The following ZIM2 variants were observed in gnomAD, a reference collection of about 807,000 sequenced individuals.
The protein encoded by ZIM2 is zinc finger imprinted 2, also known as zinc finger protein 656.
A neutral mutation model predicts 38.6 loss-of-function variants in ZIM2; 14 were observed. That is an observed-to-expected ratio of 0.36 (90% confidence interval 0.24 to 0.57). The LOEUF (loss-of-function observed/expected upper bound fraction) is 0.57, where lower values mean the gene tolerates loss of function less well. Among genes scored for constraint, ZIM2 ranks in the 20% least tolerant of loss-of-function variants. The pLI is 0.81. For missense variants in ZIM2, 680 were observed against 695.1 expected (o/e 0.98, Z 0.24); for synonymous variants, 247 against 245.8 (o/e 1.00, Z -0.04).
intron 8 of ZIM2, among the ~76,000 whole-genome samples, chr19:56,818,278 G>T (rs1359283246): frequency 1.3e-5 from 2 of 152,056 alleles, no homozygotes; most frequent in Non-Finnish European, 2.9e-5. Context: ...AGTCCACATG[G>T]GAACTCAGGA....
chr19:56,812,418 A>AT (rs34297427), intron 9 of ZIM2: 141,156 of 771,042 alleles, frequency 0.18, 1,864 homozygotes, highest in East Asian at 0.37. Flanking sequence ...ACTGTAAAGA[A>AT]TTTTTTTTTT....
At chr19:56,813,595 T>C in intron 9 of ZIM2, 3 of 1,508,498 alleles carry the variant, frequency 2.0e-6, no homozygotes, top group South Asian at 2.6e-5. Context: ...ACTGACATTA[T>C]CATGGATTGG....
chr19:56,813,373 A>C, intron 9 of ZIM2: 1 of 1,172,974 alleles, frequency 8.5e-7, no homozygotes, highest in Non-Finnish European at 1.1e-6. Context: ...TTTACAGTTG[A>C]TTTGGGCAAA....
chr19:56,835,246 A>G (rs2061972744), intron 2 of ZIM2, among the ~76,000 whole-genome samples: 1 of 152,150 alleles, frequency 6.6e-6, no homozygotes, highest in Non-Finnish European at 1.5e-5. Context: ...TGATACTCCC[A>G]TGGTTAAAAG....
At chr19:56,784,192 C>T (rs1346335993) in intron 10 of ZIM2, among the ~76,000 whole-genome samples, 2 of 152,156 alleles carry the variant, frequency 1.3e-5, no homozygotes, top group Admixed American at 1.3e-4. Flanking sequence ...CTTTGTAGTG[C>T]ATGTGCACCT....
rs2045918007 is a variant in ZIM2 at position 56,774,760 on chromosome 19, G to T, written c.1605C>A (p.Gly535=). The change falls in exon 13 of 13, where the codon GGC becomes GGA. Residue 535 remains glycine, a synonymous_variant. Coordinates refer to ENST00000629319, the MANE Select transcript of ZIM2 (RefSeq NM_001387356.1). ...AATGTTGAGTGAGGTATGAGGGTCG[G>T]CCGAAACATTTCCCACATAGCTGAC... ...YQCQLCGKCF[G]RPSYLTQHYQ... is the part of the protein sequence containing the mutation. 1 of 1,614,018 alleles carries T rather than the reference G, an allele frequency of 6.2e-7. No homozygotes were observed. The highest frequency in any genetic ancestry group is 1.3e-5 in the African/African-American group (1 of 74,900).
chr19:56,815,575 G>A (rs2059906074), intron 9 of ZIM2: 1 of 1,614,072 alleles, frequency 6.2e-7, no homozygotes. Flanking sequence ...TTCACCAAAA[G>A]GCAGAGAGTG....
intron 9 of ZIM2, among the ~76,000 whole-genome samples, chr19:56,808,499 C>A (rs969710324): frequency 6.6e-6 from 1 of 152,082 alleles, no homozygotes; most frequent in Non-Finnish European, 1.5e-5. Flanking sequence ...CAAAACTGCC[C>A]TTTCTGTGGT....
chr19:56,829,356 A>T (rs1195382335), intron 2 of ZIM2, among the ~76,000 whole-genome samples: 1 of 151,992 alleles, frequency 6.6e-6, no homozygotes, highest in Non-Finnish European at 1.5e-5. Context: ...AAAAAAAAAA[A>T]AAAAAGTCAG....
intron 9 of ZIM2, chr19:56,813,986 C>T (rs759827815): frequency 2.5e-6 from 4 of 1,614,066 alleles, no homozygotes; most frequent in Non-Finnish European, 3.4e-6. Flanking sequence ...TCTTCAATTC[C>T]CACACCGTCA....
intron 1 of ZIM2, among the ~76,000 whole-genome samples, chr19:56,838,732 G>T (rs912572370): frequency 6.6e-6 from 1 of 152,202 alleles, no homozygotes; most frequent in African/African-American, 2.4e-5. Flanking sequence ...CAGATGCGGG[G>T]ACTGAGCCAG....
Position 56,785,406 on chromosome 19 carries a change from C to T in ZIM2, c.571-3285G>A, listed in dbSNP as rs546895700. Among the ~76,000 whole-genome samples, 9 of 152,122 alleles carry T rather than the reference C, an allele frequency of 5.9e-5. No individual in the cohort carries two copies. In the South Asian group the frequency reaches 8.3e-4, roughly 14 times the overall value. ...TCCCCCCACCCCAGTAATCTTTATACGTCATTTTTTCTAATCACAACCCCC... is the reference window on the plus strand; with the variant it reads ...TCCCCCCACCCCAGTAATCTTTATATGTCATTTTTTCTAATCACAACCCCC... On this transcript the variant is annotated intron_variant, in intron 10 of 12. Transcript: ENST00000629319.
In ZIM2 at chr19:56,785,437, T is replaced by C. The variant is rs566616452; in HGVS notation, c.571-3316A>G. ...TTTTTCTAATCACAACCCCCATGAA[T>C]TTTTTTCTGGTTCTAAAGAAAGCAG... is the stretch of plus-strand genomic sequence containing the variant. On this transcript the variant is annotated intron_variant, in intron 10 of 12. Transcript: ENST00000629319. 2.0e-5 allele frequency among the ~76,000 whole-genome samples: 3 copies of C among 146,978 alleles called. No homozygotes were observed. The East Asian group carries it at 5.8e-4, about 28-fold the overall frequency.
At chr19:56,830,842 G>T (rs895635698) in intron 2 of ZIM2, among the ~76,000 whole-genome samples, 2 of 152,108 alleles carry the variant, frequency 1.3e-5, no homozygotes, top group Admixed American at 6.6e-5. Flanking sequence ...GGCTGATGCA[G>T]GGGGGCCCTG....
At position 56,775,467 on chromosome 19, in the gene ZIM2, T is replaced by G. The variant is rs1200422310; in HGVS notation, c.898A>C (p.Ile300Leu). The G allele has an allele frequency of 8.7e-6, 14 of 1,614,030 alleles. No individual in the cohort carries two copies. The highest frequency in any genetic ancestry group is 1.2e-5 in the Non-Finnish European group (14 of 1,180,004). ...AGGGTCTTGGGGTCATTCATTGTTA[T>G]AGGAGTCAAAAGTTTCTCTTGGTTG... ...QGNQEKLLTPITMNDPKTLTP... is the reference protein window; with the variant it reads ...QGNQEKLLTPLTMNDPKTLTP... The change falls in exon 13 of 13, where the codon ATA becomes CTA. Residue 300 changes from isoleucine to leucine, a missense_variant. Physicochemically the swap from Ile to Leu is conservative, Grantham distance 5. Coordinates refer to ENST00000629319, the MANE Select transcript of ZIM2 (RefSeq NM_001387356.1).
intron 2 of ZIM2, among the ~76,000 whole-genome samples, chr19:56,830,878 GATC>G (rs2061507405): frequency 6.6e-6 from 1 of 152,040 alleles, no homozygotes; most frequent in Non-Finnish European, 1.5e-5. Context: ...AGTGGGCTAA[GATC>G]ATGCCCCTGC....
In ZIM2 at chr19:56,822,817, C is replaced by T; in HGVS notation, c.126G>A (p.Arg42=). The T allele has an allele frequency of 2.5e-6, 4 of 1,614,018 alleles. No individual in the cohort carries two copies. Among genetic ancestry groups the T allele is most frequent in the Non-Finnish European group, 2.5e-6 (3 of 1,179,984 alleles). The change falls in exon 6 of 13, where the codon CGG becomes CGA. Residue 42 remains arginine (R), a synonymous_variant. Transcript: ENST00000629319. Reference sequence around the variant, plus strand: ...GCTCCATGTCTCTGCTTCTGCCCCTCCGGTCCCAGTCCCGGTCACCTAAGC... The same window carrying T: ...GCTCCATGTCTCTGCTTCTGCCCCTTCGGTCCCAGTCCCGGTCACCTAAGC... ...HSFSGDRDWD[R]RGRSRDMEPR...
At chr19:56,838,679 C>A (rs536653406) in intron 1 of ZIM2, among the ~76,000 whole-genome samples, 80 of 152,318 alleles carry the variant, frequency 5.3e-4, no homozygotes, top group Non-Finnish European at 1.8e-4. Context: ...AATGGCTCCG[C>A]GGCCGCTAAG....
At chr19:56,819,251 C>A (rs372484521) in intron 7 of ZIM2, among the ~76,000 whole-genome samples, 1 of 152,208 alleles carries the variant, frequency 6.6e-6, no homozygotes, top group Non-Finnish European at 1.5e-5. Context: ...ACCTCCCTCC[C>A]GGTTTCTCCA....
Sources: gnomAD v4.1 joint callset for allele counts (sites outside exome capture counted in the v4.1 genomes callset) on GRCh38, gnomAD v4.1.1 for gene constraint, MANE v1.5 for transcripts, NCBI Gene and HGNC (gene_info 2026-07-23, HGNC 2026-07-21) for gene names.